DLGAP2: variants seen among roughly 807,000 people sequenced by gnomAD.
DLGAP2 encodes disks large-associated protein 2.
DLGAP2 carries 26 observed loss-of-function variants against 100.3 expected under a neutral mutation model. The observed-to-expected ratio is 0.26, with a 90% CI of 0.19 to 0.36. The LOEUF is 0.36. Ranked by LOEUF, DLGAP2 falls within the 10% of genes least tolerant of loss-of-function variation. The pLI, the probability that DLGAP2 is intolerant of heterozygous loss-of-function variation, is 1.00. For missense variants in DLGAP2, 1,858 were observed against 1,453.2 expected, an observed-to-expected ratio of 1.28 and a Z score of -4.53; for synonymous variants, 886 against 630.1, an observed-to-expected ratio of 1.41 and a Z score of -6.08.
intron 1 of DLGAP2, among the ~76,000 whole-genome samples, chr8:888,118 C>T (rs559593521): frequency 2.0e-5 from 3 of 152,096 alleles, no homozygotes; most frequent in Non-Finnish European, 2.9e-5. Context: ...GGTCTGTATG[C>T]CTTATTTCAG....
intron 3 of DLGAP2, among the ~76,000 whole-genome samples, chr8:1,455,901 C>T (rs1010398323): frequency 7.2e-5 from 11 of 152,196 alleles, no homozygotes; most frequent in Non-Finnish European, 1.5e-4. Flanking sequence ...GGCCTCTGCC[C>T]GGCACGAAAT....
intron 3 of DLGAP2, chr8:1,369,897 G>T (rs956513346): frequency 6.6e-6 from 1 of 152,260 alleles, no homozygotes; most frequent in African/African-American, 2.4e-5. Flanking sequence ...GTCCTGGGGC[G>T]TGCAGAGGCA....
At chr8:1,210,408 G>A (rs1469000694) in intron 2 of DLGAP2, among the ~76,000 whole-genome samples, 6 of 152,230 alleles carry the variant, frequency 3.9e-5, no homozygotes, top group African/African-American at 1.2e-4. Context: ...GATGTCTTGA[G>A]GGCTGACCCT....
chr8:1,363,869 G>C (rs1387447318), intron 3 of DLGAP2, among the ~76,000 whole-genome samples: 2 of 152,182 alleles, frequency 1.3e-5, no homozygotes, highest in African/African-American at 4.8e-5. Context: ...GTCTCTGGGA[G>C]GCCTCTTCTG....
At chr8:824,514 A>G (rs1475070182) in intron 1 of DLGAP2, among the ~76,000 whole-genome samples, 3 of 152,168 alleles carry the variant, frequency 2.0e-5, no homozygotes, top group Non-Finnish European at 4.4e-5. Context: ...TGTTACGGGC[A>G]GCTTTTATGG....
chr8:1,168,988 TTTC>T (rs1372029193), intron 2 of DLGAP2, among the ~76,000 whole-genome samples: 2 of 147,998 alleles, frequency 1.4e-5, no homozygotes, highest in Non-Finnish European at 3.0e-5. Flanking sequence ...TTGCCTAGGT[TTTC>T]TTCTAGGTTT....
chr8:1,164,679 T>G (rs62487539), intron 2 of DLGAP2, among the ~76,000 whole-genome samples: 20,097 of 152,202 alleles, frequency 0.13, 1,491 homozygotes, highest in East Asian at 0.23. Flanking sequence ...TGAGCTGCAT[T>G]CTCTGGATCT....
chr8:892,777 A>C (rs1798063034), intron 1 of DLGAP2, among the ~76,000 whole-genome samples: 1 of 152,212 alleles, frequency 6.6e-6, no homozygotes, highest in African/African-American at 2.4e-5. Context: ...ATGCTCCAGC[A>C]GTAGCAGCAA....
intron 2 of DLGAP2, among the ~76,000 whole-genome samples, chr8:923,630 T>G (rs1798758216): frequency 1.3e-5 from 2 of 152,180 alleles, no homozygotes; most frequent in South Asian, 4.1e-4. Context: ...GAATCAGGAT[T>G]GCATTTTACC....
intron 3 of DLGAP2, among the ~76,000 whole-genome samples, chr8:1,294,071 C>A (rs1000164467): frequency 6.6e-6 from 1 of 152,140 alleles, no homozygotes; most frequent in Non-Finnish European, 1.5e-5. Context: ...GACTCGCCCT[C>A]GCTTCCTGGA....
intron 2 of DLGAP2, among the ~76,000 whole-genome samples, chr8:1,147,992 G>A (rs1314635994): frequency 6.6e-6 from 1 of 152,130 alleles, no homozygotes; most frequent in Non-Finnish European, 1.5e-5. Context: ...CTCAAGACAA[G>A]TTTGAGAAGT....
intron 3 of DLGAP2, among the ~76,000 whole-genome samples, chr8:1,472,053 G>T (rs773869757): frequency 5.2e-4 from 79 of 152,224 alleles, no homozygotes; most frequent in Non-Finnish European, 9.3e-4. Context: ...ACAAGCCCTG[G>T]TCTCATAGCA....
chr8:1,093,029 A>G (rs1479279971), intron 2 of DLGAP2, among the ~76,000 whole-genome samples: 1 of 152,156 alleles, frequency 6.6e-6, no homozygotes, highest in Non-Finnish European at 1.5e-5. Context: ...GCGCCCTGGG[A>G]AGAGCCAGTG....
At chr8:1,461,874 A>G (rs1335270168) in intron 3 of DLGAP2, among the ~76,000 whole-genome samples, 1 of 5,908 alleles carries the variant, frequency 1.7e-4, no homozygotes, top group Non-Finnish European at 2.6e-4. Context: ...TGATTCGGTG[A>G]CCAGGAGGAG....
chr8:1,435,449 T>C (rs1047133997), intron 3 of DLGAP2, among the ~76,000 whole-genome samples: 5 of 152,074 alleles, frequency 3.3e-5, no homozygotes, highest in African/African-American at 1.2e-4. Flanking sequence ...AGTGACCTCA[T>C]AGCCGTCACA....
chr8:1,469,672 G>A (rs1446234857), intron 3 of DLGAP2, among the ~76,000 whole-genome samples: 1 of 152,182 alleles, frequency 6.6e-6, no homozygotes, highest in African/African-American at 2.4e-5. Context: ...CACGTCAGAA[G>A]CACCTGCTCT....
intron 1 of DLGAP2, among the ~76,000 whole-genome samples, chr8:897,459 G>A (rs963121932): frequency 2.0e-5 from 3 of 152,204 alleles, no homozygotes; most frequent in East Asian, 1.9e-4. Flanking sequence ...ACATTTCAGC[G>A]ATGCTTCCTC....
intron 4 of DLGAP2, among the ~76,000 whole-genome samples, chr8:1,523,393 C>G (rs959226535): frequency 1.3e-5 from 2 of 152,228 alleles, no homozygotes; most frequent in Non-Finnish European, 2.9e-5. Flanking sequence ...TTGCCGGCCT[C>G]ACGCCGGCCG....
intron 1 of DLGAP2, among the ~76,000 whole-genome samples, chr8:779,481 T>TC (rs1401308047): frequency 6.6e-6 from 1 of 150,804 alleles, no homozygotes; most frequent in African/African-American, 2.4e-5. Flanking sequence ...TTTTTTTTTT[T>TC]CAGACAGGGT....
Sources: gnomAD v4.1 joint callset for allele counts (sites outside exome capture counted in the v4.1 genomes callset) on GRCh38, gnomAD v4.1.1 for gene constraint, MANE v1.5 for transcripts, NCBI Gene and HGNC (gene_info 2026-07-23, HGNC 2026-07-21) for gene names.